The following TSPAN9 variants were observed in gnomAD, a reference collection of about 807,000 sequenced individuals.
TSPAN9 encodes the protein tetraspanin 9.
In TSPAN9, 16 loss-of-function variants were observed where a neutral mutation model predicts 31.0. The ratio of observed to expected loss-of-function variants is 0.52; its 90% CI spans 0.35 to 0.78. The LOEUF is 0.78. Among genes scored for constraint, TSPAN9 ranks in the 30% least tolerant of loss-of-function variants. TSPAN9 has a pLI of 0.01. For synonymous variants in TSPAN9, 145 were observed against 121.6 expected (o/e 1.19, Z -1.27); for missense variants, 272 against 312.5 (o/e 0.87, Z 0.98).
rs12423067 is a variant in TSPAN9 at position 3,271,559 on chromosome 12, A to T, written c.64-6862A>T. Among the ~76,000 whole-genome samples the T allele has an allele frequency of 6.6e-3, 929 of 140,720 alleles. 22 individuals carry two copies. Among genetic ancestry groups the T allele is most frequent in the Admixed American group, 0.048 (697 of 14,476 alleles). 92.3% of individuals were successfully genotyped at this position (140,720 alleles called of 152,430 possible). On this transcript the variant is annotated intron_variant, in intron 3 of 8. Transcript: ENST00000011898. ...GAGGTATGCAGAAAAAAAAAAAAAA[A>T]GAAGAATGGAGTGCATTGTGGGATG...
At chr12:3,256,437 C>T (rs541518922) in intron 3 of TSPAN9, among the ~76,000 whole-genome samples, 4 of 152,330 alleles carry the variant, frequency 2.6e-5, no homozygotes, top group African/African-American at 7.2e-5. Context: ...GGCCTGGCGC[C>T]GGGCACCACA....
In TSPAN9 at chr12:3,170,398, A is replaced by C. The variant is rs1417982944; in HGVS notation, c.-17-30779A>C. Among the ~76,000 whole-genome samples, 1 of 152,264 alleles carries C rather than the reference A, an allele frequency of 6.6e-6. No individual in the cohort carries two copies. Among genetic ancestry groups the C allele is most frequent in the Non-Finnish European group, 1.5e-5 (1 of 68,052 alleles). On this transcript the variant is annotated intron_variant, in intron 2 of 8. Transcript: ENST00000011898. This position sits in a 1 kb window ranked among gnomAD's most constrained non-coding sequence, Gnocchi z 4.4. ...TAGCTTGCTCCAGATAGCATGTAGCATAGGATTCCACATGTAATATACATC... is the reference window on the plus strand; with the variant it reads ...TAGCTTGCTCCAGATAGCATGTAGCCTAGGATTCCACATGTAATATACATC...
intron 2 of TSPAN9, among the ~76,000 whole-genome samples, chr12:3,195,936 C>T (rs969300626): frequency 5.3e-5 from 8 of 152,220 alleles, no homozygotes; most frequent in African/African-American, 1.9e-4. Context: ...CATCCTGCCA[C>T]GGTCTGTGCT....
intron 3 of TSPAN9, among the ~76,000 whole-genome samples, chr12:3,232,583 C>T (rs1201864429): frequency 6.6e-6 from 1 of 152,226 alleles, no homozygotes; most frequent in Non-Finnish European, 1.5e-5. Flanking sequence ...ATCGGAATCA[C>T]CTGGGAAGGT....
At chr12:3,236,350 A>G (rs935120541) in intron 3 of TSPAN9, among the ~76,000 whole-genome samples, 41 of 152,226 alleles carry the variant, frequency 2.7e-4, no homozygotes, top group African/African-American at 9.4e-4. Flanking sequence ...TAAACACTTT[A>G]CAGGCATGAT....
At chr12:3,214,866 A>G (rs2098380541) in intron 3 of TSPAN9, among the ~76,000 whole-genome samples, 1 of 152,036 alleles carries the variant, frequency 6.6e-6, no homozygotes, top group South Asian at 2.1e-4. Flanking sequence ...GTCATTAGGA[A>G]GAGCGTTCTT....
chr12:3,272,414 T>A (rs529567478), intron 3 of TSPAN9, among the ~76,000 whole-genome samples: 11 of 152,090 alleles, frequency 7.2e-5, no homozygotes, highest in African/African-American at 2.7e-4. Context: ...CAAATATTTA[T>A]CTAGTAATCC....
At chr12:3,141,503 G>A (rs975174133) in intron 2 of TSPAN9, among the ~76,000 whole-genome samples, 1 of 152,178 alleles carries the variant, frequency 6.6e-6, no homozygotes, top group African/African-American at 2.4e-5. Flanking sequence ...TCTAGGGCCA[G>A]CAGGAGTCCT....
intron 3 of TSPAN9, among the ~76,000 whole-genome samples, chr12:3,244,519 G>A (rs1011689150): frequency 3.3e-5 from 5 of 152,212 alleles, no homozygotes; most frequent in East Asian, 1.9e-4. Context: ...AGCTGGTGAC[G>A]TGGGCTGGGG....
chr12:3,139,081 G>C (rs1268240613), intron 2 of TSPAN9, among the ~76,000 whole-genome samples: 1 of 152,122 alleles, frequency 6.6e-6, no homozygotes. Context: ...CCCACATCTG[G>C]CCCAAGTGCT....
chr12:3,117,966 T>C (rs565832813), intron 2 of TSPAN9, among the ~76,000 whole-genome samples: 2 of 152,064 alleles, frequency 1.3e-5, no homozygotes, highest in Admixed American at 1.3e-4. Flanking sequence ...GGAGGAGGCA[T>C]GTGTGGTAAG....
intron 5 of TSPAN9, among the ~76,000 whole-genome samples, chr12:3,279,523 T>G (rs375462757): frequency 6.6e-6 from 1 of 152,334 alleles, no homozygotes; most frequent in East Asian, 1.9e-4. Context: ...AAGCTCTGTT[T>G]CCTGCACTAG....
At chr12:3,114,067 T>A (rs568864604) in intron 2 of TSPAN9, among the ~76,000 whole-genome samples, 1 of 152,330 alleles carries the variant, frequency 6.6e-6, no homozygotes, top group African/African-American at 2.4e-5. Context: ...TCTCCTCTCC[T>A]GCATCTCTGA....
intron 2 of TSPAN9, among the ~76,000 whole-genome samples, chr12:3,146,193 A>G (rs754760894): frequency 1.1e-4 from 17 of 152,192 alleles, no homozygotes; most frequent in Non-Finnish European, 2.2e-4. Context: ...ACCCGTGGCC[A>G]TCAGGGGAGT....
intron 3 of TSPAN9, among the ~76,000 whole-genome samples, chr12:3,262,439 A>T (rs1168774344): frequency 6.6e-6 from 1 of 151,536 alleles, no homozygotes; most frequent in Non-Finnish European, 1.5e-5. Context: ...TCATATGAAA[A>T]TGTGTAGTAA....
intron 3 of TSPAN9, among the ~76,000 whole-genome samples, chr12:3,260,169 G>A (rs1261832603): frequency 6.6e-6 from 1 of 152,276 alleles, no homozygotes; most frequent in African/African-American, 2.4e-5. Flanking sequence ...GTCAGATGGG[G>A]GTGGCCCCTC....
Position 3,263,433 on chromosome 12 carries a change from C to T in TSPAN9, c.64-14988C>T, listed in dbSNP as rs528006052. ...ATATGCGGAGAGGCGCACCTCTCCA[C>T]GTGTGGCGGTGGACGGGCAGATGGC... On this transcript the variant is annotated intron_variant, in intron 3 of 8. Transcript: ENST00000011898. Among the ~76,000 whole-genome samples, 6 of 152,332 alleles carry T rather than the reference C, an allele frequency of 3.9e-5. No homozygotes were observed. The East Asian group carries it at 7.7e-4, about 20-fold the overall frequency.
At chr12:3,260,589 C>T (rs1461667911) in intron 3 of TSPAN9, among the ~76,000 whole-genome samples, 1 of 152,156 alleles carries the variant, frequency 6.6e-6, no homozygotes, top group Non-Finnish European at 1.5e-5. Context: ...ACGCGAGGCA[C>T]CGTAGGAGAT....
intron 2 of TSPAN9, among the ~76,000 whole-genome samples, chr12:3,157,700 G>T (rs1308051720): frequency 6.6e-6 from 1 of 152,210 alleles, no homozygotes; most frequent in Non-Finnish European, 1.5e-5. Context: ...AAACAGCCAG[G>T]ACTGGAACCA....
Sources: allele counts gnomAD v4.1 joint callset (sites outside exome capture counted in the v4.1 genomes callset), GRCh38; gene constraint gnomAD v4.1.1; non-coding constraint Gnocchi (gnomAD v3.1); transcripts MANE v1.5; gene names NCBI Gene and HGNC (gene_info 2026-07-23, HGNC 2026-07-21).